Variants in GPATCH2 observed in about 807,000 individuals in gnomAD.
GPATCH2 encodes the protein G-patch domain containing 2.
GPATCH2 carries 51 observed loss-of-function variants against 58.0 expected under a neutral mutation model. That is an observed-to-expected ratio of 0.88 (90% CI 0.70 to 1.11). The LOEUF (loss-of-function observed/expected upper bound fraction) is 1.11. GPATCH2 is among the 50% of genes most tolerant of loss of function. The pLI is 0.00. For synonymous variants in GPATCH2, 222 were observed against 218.5 expected (o/e 1.02, Z -0.14); for missense variants, 625 against 652.2 (o/e 0.96, Z 0.45).
rs6666508 is a variant in GPATCH2 at position 217,614,474 on chromosome 1, C to A, written c.774-272G>T. On this transcript the variant is annotated intron_variant, in intron 2 of 9. Coordinates refer to ENST00000366935, the MANE Select transcript of GPATCH2 (RefSeq NM_018040.5). Reference sequence around the variant, plus strand: ...CAACGAGATGCTGACACAATTGATGCATTTTATCATGTACTTTCATCAAAT... The same window carrying A: ...CAACGAGATGCTGACACAATTGATGAATTTTATCATGTACTTTCATCAAAT... 1.0e-3 allele frequency among the ~76,000 whole-genome samples: 156 copies of A among 151,828 alleles called. 3 individuals carry two copies. In the East Asian group the frequency reaches 0.027, roughly 27 times the overall value.
chr1:217,559,749 A>G (rs1015541743), intron 5 of GPATCH2, among the ~76,000 whole-genome samples: 3 of 152,172 alleles, frequency 2.0e-5, no homozygotes, highest in African/African-American at 7.2e-5. Context: ...CCAGAGATTG[A>G]GCTGGGCTAA....
rs567317330 is a variant in GPATCH2, at chr1:217,500,110, CTT to C, written c.1167-1717_1167-1716del. Among the ~76,000 whole-genome samples the C allele has an allele frequency of 4.6e-3, 701 of 152,074 alleles. 6 individuals carry two copies. Among genetic ancestry groups the C allele is most frequent in the African/African-American group, 0.016 (663 of 41,516 alleles). ...GAATACTTTCTGCTACTAAGCTTTT[CTT>C]TTTGTTTCTCCTAAAGTTGATATTT... On this transcript the variant is annotated intron_variant, in intron 6 of 9. Coordinates refer to ENST00000366935, the MANE Select transcript of GPATCH2 (RefSeq NM_018040.5).
Position 217,449,338 on chromosome 1 carries a change from C to T in GPATCH2, c.1278-1G>A. 6.4e-7 allele frequency: 1 copy of T among 1,565,634 alleles called. No individual in the cohort carries two copies. The highest frequency in any genetic ancestry group is 8.8e-7 in the Non-Finnish European group (1 of 1,136,302). On this transcript the variant is annotated splice_acceptor_variant, in intron 8 of 9. Coordinates refer to ENST00000366935, the MANE Select transcript of GPATCH2 (RefSeq NM_018040.5). LOFTEE classifies it high-confidence loss of function. ...GGATCCTAAATGCATGCTTGTTTGCCTACGAATAATTATCAGAAAAAACTA... is the reference window on the plus strand; with the variant it reads ...GGATCCTAAATGCATGCTTGTTTGCTTACGAATAATTATCAGAAAAAACTA...
intron 1 of GPATCH2, among the ~76,000 whole-genome samples, chr1:217,625,952 C>T (rs1183335311): frequency 6.6e-6 from 1 of 152,076 alleles, no homozygotes; most frequent in Non-Finnish European, 1.5e-5. Flanking sequence ...CCACTGCACT[C>T]CAGTTTGGAT....
chr1:217,540,469 T>C (rs1434957650), intron 5 of GPATCH2, among the ~76,000 whole-genome samples: 1 of 152,242 alleles, frequency 6.6e-6, no homozygotes, highest in African/African-American at 2.4e-5. Flanking sequence ...TTTACATTGA[T>C]AGCAGTAATA....
intron 5 of GPATCH2, among the ~76,000 whole-genome samples, chr1:217,530,744 T>C (rs866219032): frequency 6.6e-6 from 1 of 152,342 alleles, no homozygotes; most frequent in Middle Eastern, 3.4e-3. Flanking sequence ...TTAAAGCCTG[T>C]GGTACTTAGT....
At chr1:217,452,535 T>C (rs903518589) in intron 8 of GPATCH2, among the ~76,000 whole-genome samples, 6 of 152,230 alleles carry the variant, frequency 3.9e-5, no homozygotes, top group South Asian at 2.1e-4. Flanking sequence ...AGTATTCTAA[T>C]TGCTTAAAAA....
chr1:217,591,222 T>C (rs1456587373), intron 5 of GPATCH2, among the ~76,000 whole-genome samples: 6 of 152,240 alleles, frequency 3.9e-5, no homozygotes, highest in Middle Eastern at 6.8e-3. Context: ...CATATACATA[T>C]GCATATATAT....
chr1:217,436,693 T>C (rs769312829), intron 9 of GPATCH2, among the ~76,000 whole-genome samples: 1 of 152,208 alleles, frequency 6.6e-6, no homozygotes, highest in Non-Finnish European at 1.5e-5. Flanking sequence ...ACATTATAAA[T>C]GCTTCTGTAT....
chr1:217,570,980 G>A (rs1166168498), intron 5 of GPATCH2, among the ~76,000 whole-genome samples: 1 of 152,208 alleles, frequency 6.6e-6, no homozygotes, highest in Non-Finnish European at 1.5e-5. Flanking sequence ...ACTGATTAAT[G>A]AATTGGAATA....
At chr1:217,467,318 A>C (rs1660508274) in intron 8 of GPATCH2, among the ~76,000 whole-genome samples, 1 of 152,236 alleles carries the variant, frequency 6.6e-6, no homozygotes, top group African/African-American at 2.4e-5. Flanking sequence ...ACAAAATTAA[A>C]TACATTAAAA....
intron 5 of GPATCH2, among the ~76,000 whole-genome samples, chr1:217,528,124 A>T (rs1571866641): frequency 6.6e-6 from 1 of 152,178 alleles, no homozygotes; most frequent in East Asian, 1.9e-4. Flanking sequence ...GAAATGAGGA[A>T]ATAAACCTGA....
chr1:217,490,324 A>G (rs1360224833), intron 8 of GPATCH2, among the ~76,000 whole-genome samples: 2 of 152,128 alleles, frequency 1.3e-5, no homozygotes, highest in East Asian at 3.9e-4. Flanking sequence ...CTACTATGGT[A>G]TATTATTAGG....
At chr1:217,608,466 T>C (rs1375140204) in intron 5 of GPATCH2, 1 of 985,244 alleles carries the variant, frequency 1.0e-6, no homozygotes, top group Non-Finnish European at 1.2e-6. Flanking sequence ...GGTTAAGCCA[T>C]GTATCATCAA....
At chr1:217,593,443 T>C (rs1417117960) in intron 5 of GPATCH2, among the ~76,000 whole-genome samples, 7 of 152,030 alleles carry the variant, frequency 4.6e-5, no homozygotes, top group Non-Finnish European at 1.0e-4. Flanking sequence ...AGTGCAACTT[T>C]CAGTGATTTA....
At chr1:217,440,292 C>T (rs543225197) in intron 9 of GPATCH2, among the ~76,000 whole-genome samples, 64 of 152,222 alleles carry the variant, frequency 4.2e-4, no homozygotes, top group African/African-American at 1.5e-3. Context: ...CACAGAAAAG[C>T]CTTTGATAAA....
intron 5 of GPATCH2, among the ~76,000 whole-genome samples, chr1:217,517,680 A>C (rs140060419): frequency 6.6e-6 from 1 of 152,254 alleles, no homozygotes; most frequent in African/African-American, 2.4e-5. Flanking sequence ...TAAACATCAG[A>C]TCAAAGTATT....
chr1:217,513,627 C>A (rs546105286), intron 6 of GPATCH2, among the ~76,000 whole-genome samples: 1 of 151,908 alleles, frequency 6.6e-6, no homozygotes, highest in African/African-American at 2.4e-5. Flanking sequence ...ATTTACAGAA[C>A]GAATTAACCC....
Position 217,616,894 on chromosome 1 carries a change from TAGTC to T in GPATCH2, c.774-2696_774-2693del, listed in dbSNP as rs1485287596. Among the ~76,000 whole-genome samples, 4 of 152,286 alleles carry T rather than the reference TAGTC, an allele frequency of 2.6e-5. No individual in the cohort carries two copies. In the South Asian group the frequency reaches 6.2e-4, roughly 24 times the overall value. ...CCTCTTTCTCATTCATCCTCCCAAA[TAGTC>T]AGTCAACCTCCCATCGATTCTAACT... On this transcript the variant is annotated intron_variant, in intron 2 of 9. Coordinates refer to ENST00000366935, the MANE Select transcript of GPATCH2 (RefSeq NM_018040.5).
Sources: gnomAD v4.1 joint callset for allele counts (sites outside exome capture counted in the v4.1 genomes callset) on GRCh38, gnomAD v4.1.1 for gene constraint, MANE v1.5 for transcripts, NCBI Gene and HGNC (gene_info 2026-07-23, HGNC 2026-07-21) for gene names.